Variants in USP40 observed in about 807,000 individuals in gnomAD.
USP40 encodes ubiquitin carboxyl-terminal hydrolase 40.
A neutral mutation model predicts 166.2 loss-of-function variants in USP40; 143 were observed. The observed-to-expected ratio is 0.86, with a 90% confidence interval of 0.75 to 0.99. USP40 has a LOEUF of 0.99. Among genes scored for constraint, USP40 ranks in the 50% least tolerant of loss-of-function variants. The probability of loss-of-function intolerance (pLI) is 0.00; values close to 1 mark genes in which losing one functional copy is unlikely to be tolerated. For synonymous variants in USP40, 498 were observed against 524.0 expected (o/e 0.95, Z 0.68); for missense variants, 1,444 against 1,479.7 (o/e 0.98, Z 0.40).
chr2:233,548,595 T>C (rs1437872186), intron 8 of USP40, among the ~76,000 whole-genome samples: 1 of 152,054 alleles, frequency 6.6e-6, no homozygotes, highest in African/African-American at 2.4e-5. Flanking sequence ...GGGGGAAAAA[T>C]TGCCATGAAG....
In USP40 at chr2:233,510,392, C is replaced by CTTTTTTTTTT. The variant is rs1158427662; in HGVS notation, c.2527-267_2527-258dup. Among the ~76,000 whole-genome samples the CTTTTTTTTTT allele has an allele frequency of 7.4e-3, 511 of 68,622 alleles. 7 individuals carry two copies. The highest frequency in any genetic ancestry group is 9.6e-3 in the Non-Finnish European group (362 of 37,762). The allele number at this position is 68,622 out of a possible 152,430, so 45.0% of individuals were successfully genotyped here. On this transcript the variant is annotated intron_variant, in intron 20 of 31. Coordinates refer to ENST00000678225, the MANE Select transcript of USP40 (RefSeq NM_001365479.2). The stretch of plus-strand genomic sequence containing the variant: ...CCACATACACTACTTCTTTTTCTTT[C>CTTTTTTTTTT]TTTTTTTTTTTTTTTTTTTTTTTTT...
chr2:233,515,122 G>A (rs577051808), intron 18 of USP40, among the ~76,000 whole-genome samples: 20 of 152,316 alleles, frequency 1.3e-4, no homozygotes, highest in African/African-American at 4.3e-4. Context: ...AGTATCCATT[G>A]CTTAAATACA....
At chr2:233,557,997 A>G (rs1386259461) in intron 4 of USP40, among the ~76,000 whole-genome samples, 2 of 112,956 alleles carry the variant, frequency 1.8e-5, no homozygotes, top group African/African-American at 3.3e-5. Context: ...GTGAGACCTC[A>G]TCTCAAAAAA....
chr2:233,483,299 G>A (rs1297293981), intron 30 of USP40, among the ~76,000 whole-genome samples: 1 of 152,108 alleles, frequency 6.6e-6, no homozygotes. Flanking sequence ...AGACCAGCCT[G>A]GGCAACACGG....
At chr2:233,535,728 G>A (rs912175573) in intron 10 of USP40, among the ~76,000 whole-genome samples, 7 of 152,142 alleles carry the variant, frequency 4.6e-5, no homozygotes, top group Non-Finnish European at 7.4e-5. Flanking sequence ...TCCACAATAT[G>A]AGATTATATG....
intron 24 of USP40, among the ~76,000 whole-genome samples, chr2:233,494,919 TATATATATATATATATATATATATA>T (rs2065588099): frequency 3.7e-5 from 3 of 80,280 alleles, no homozygotes; most frequent in Admixed American, 1.6e-4. Context: ...AAATGGCATA[TATATATATATATATATATATATATA>T]TATATATATA....
rs1178494587 is a variant in USP40 at position 233,475,821 on chromosome 2, C to T, written c.*1571G>A. The T allele has an allele frequency of 6.6e-6, 1 of 152,400 alleles. No homozygotes were observed. The highest frequency in any genetic ancestry group is 1.9e-4 in the East Asian group (1 of 5,326). 9.4% of individuals were successfully genotyped at this position (152,400 alleles called of 1,614,324 possible). On this transcript the variant is annotated 3_prime_UTR_variant, in exon 32 of 32. Transcript: ENST00000678225. ...GAAGGCAGATGCTACAGAAATATGT[C>T]AGTTAAAGCCACAGAAACAGAACAG...
chr2:233,483,319 G>A (rs184459468), intron 30 of USP40, among the ~76,000 whole-genome samples: 56 of 152,060 alleles, frequency 3.7e-4, no homozygotes, highest in Non-Finnish European at 7.1e-4. Flanking sequence ...GCATAACCCC[G>A]TCTCTACCAA....
Position 233,522,656 on chromosome 2 carries a change from T to C in USP40, c.2201+514A>G, listed in dbSNP as rs543367701. Among the ~76,000 whole-genome samples the C allele has an allele frequency of 5.3e-5, 8 of 152,294 alleles. No homozygotes were observed. In the South Asian group the frequency reaches 1.7e-3, roughly 32 times the overall value. On this transcript the variant is annotated intron_variant, in intron 16 of 31. Transcript: ENST00000678225. ...TGCAGCTTTAAATGTGACCACAGGA[T>C]TCATGGGGGTAATTCGCCACGTAAC...
intron 26 of USP40, among the ~76,000 whole-genome samples, chr2:233,490,309 C>T (rs943183732): frequency 6.6e-6 from 1 of 151,570 alleles, no homozygotes; most frequent in South Asian, 2.1e-4. Flanking sequence ...ATTACAGGTG[C>T]CTGCCACCGT....
chr2:233,554,096 T>C (rs759746204), intron 6 of USP40, among the ~76,000 whole-genome samples: 37 of 152,086 alleles, frequency 2.4e-4, no homozygotes, highest in Non-Finnish European at 8.8e-5. Context: ...AATAAAAATA[T>C]ATACAACTTT....
At chr2:233,533,062 G>A (rs1459777490) in intron 11 of USP40, among the ~76,000 whole-genome samples, 3 of 151,742 alleles carry the variant, frequency 2.0e-5, no homozygotes. Flanking sequence ...AAATAAAGGA[G>A]AAGATATAAA....
Position 233,562,777 on chromosome 2 carries a change from C to G in USP40, c.226G>C (p.Glu76Gln). ...TCCTTATCTTCAAACAAACCAAGCT[C>G]TTCTGGGCCAAGAGAAAATAGAGCT... ...REALFSLGPEELGLFEDKDKP... is the reference protein window; with the variant it reads ...REALFSLGPEQLGLFEDKDKP... Residue 76 changes from glutamate (E) to glutamine (Q), a missense_variant, in exon 3 of 32, where the codon GAG (glutamate) becomes CAG (glutamine). Physicochemically the swap from Glu to Gln is conservative, Grantham distance 29 (BLOSUM62 2). Transcript: ENST00000678225. 6.5e-7 allele frequency: 1 copy of G among 1,536,676 alleles called. No individual in the cohort carries two copies. Among genetic ancestry groups the G allele is most frequent in the South Asian group, 1.2e-5 (1 of 80,954 alleles).
At chr2:233,528,835 C>T (rs1278001100) in intron 12 of USP40, among the ~76,000 whole-genome samples, 2 of 152,064 alleles carry the variant, frequency 1.3e-5, no homozygotes, top group Non-Finnish European at 2.9e-5. Flanking sequence ...ACCCTATTGA[C>T]CCTAACAGAG....
At chr2:233,520,735 T>TG (rs1173100257) in intron 17 of USP40, among the ~76,000 whole-genome samples, 1 of 152,174 alleles carries the variant, frequency 6.6e-6, no homozygotes, top group Non-Finnish European at 1.5e-5. Flanking sequence ...GAGAATTCCA[T>TG]GAACTAACTA....
In USP40 at chr2:233,556,905, T is replaced by C. The variant is rs1223385244; in HGVS notation, c.496A>G (p.Ile166Val). Residue 166 changes from isoleucine to valine, a missense_variant, in exon 5 of 32, where the codon ATT (isoleucine) becomes GTT (valine). By Grantham distance (29) the Ile-to-Val change is conservative. Transcript: ENST00000678225. ...DLIYRLYHGT[I>V]VNQIVCKECK... The stretch of plus-strand genomic sequence containing the variant: ...TCTTTACAAACAATCTGGTTAACAA[T>C]GGTTCCATGGTACAGACGATAGATG... 2.5e-6 allele frequency: 4 copies of C among 1,613,716 alleles called. No homozygotes were observed. Among genetic ancestry groups the C allele is most frequent in the Non-Finnish European group, 3.4e-6 (4 of 1,179,866 alleles).
At chr2:233,556,719 T>C (rs1443324862) in intron 5 of USP40, 136 bp downstream of exon 5, 8 of 772,778 alleles carry the variant, frequency 1.0e-5, no homozygotes, top group African/African-American at 5.5e-5. Flanking sequence ...TTAGGTGTAG[T>C]TAGAAGAAAA....
rs947811934 is a variant in USP40, at chr2:233,542,374, A to G, written c.967-11T>C. On this transcript the variant is annotated splice_polypyrimidine_tract_variant and intron_variant, in intron 8 of 31. Coordinates refer to ENST00000678225, the MANE Select transcript of USP40 (RefSeq NM_001365479.2). ...TTTACTTTTTTCCTCCTAGGAAGGA[A>G]AACAGTATGAGTTTCTATCACTAAC... is the stretch of plus-strand genomic sequence containing the variant. The G allele has an allele frequency of 3.3e-5, 49 of 1,492,816 alleles. No individual in the cohort carries two copies. The highest frequency in any genetic ancestry group is 4.5e-5 in the Non-Finnish European group (49 of 1,100,240). 92.5% of individuals were successfully genotyped at this position (1,492,816 alleles called of 1,614,324 possible).
intron 18 of USP40, among the ~76,000 whole-genome samples, chr2:233,515,716 T>C (rs181831424): frequency 1.2e-4 from 18 of 152,352 alleles, no homozygotes; most frequent in Non-Finnish European, 1.9e-4. Context: ...TTTTCTTCCA[T>C]GGTTTGTGCT....
Sources: allele counts gnomAD v4.1 joint callset (sites outside exome capture counted in the v4.1 genomes callset), GRCh38; gene constraint gnomAD v4.1.1; transcripts MANE v1.5; gene names NCBI Gene and HGNC (gene_info 2026-07-23, HGNC 2026-07-21).